The following GPT variants were observed in gnomAD, a reference collection of about 807,000 sequenced individuals.
GPT encodes glutamic--pyruvic transaminase.
GPT carries 60 observed loss-of-function variants against 51.4 expected under a neutral mutation model. That is an observed-to-expected ratio of 1.17 (90% CI 0.95 to 1.45). The LOEUF (loss-of-function observed/expected upper bound fraction) is 1.45. Among genes scored for constraint, GPT ranks in the 40% most tolerant of loss-of-function variants. The pLI is 0.00. For synonymous variants in GPT, 397 were observed against 303.1 expected (o/e 1.31, Z -3.22); for missense variants, 853 against 704.0 (o/e 1.21, Z -2.40).
chr8:144,505,242 G>T lies in GPT; in HGVS notation c.496-4G>T, dbSNP rs1419853335. ...CAACCCTGCCTTCCCCTTCCTTTCC[G>T]CAGACGGTGCTGAAGCTGCTGGTGG... On this transcript the variant is annotated splice_polypyrimidine_tract_variant and splice_region_variant and intron_variant, in intron 4 of 10. Transcript: ENST00000394955. 1 of 1,607,490 alleles carries T rather than the reference G, an allele frequency of 6.2e-7. No individual in the cohort carries two copies. The highest frequency in any genetic ancestry group is 8.5e-7 in the Non-Finnish European group (1 of 1,177,620).
In GPT at chr8:144,505,244, A is replaced by G; in HGVS notation, c.496-2A>G. 6.2e-7 allele frequency: 1 copy of G among 1,607,674 alleles called. No homozygotes were observed. The highest frequency in any genetic ancestry group is 8.5e-7 in the Non-Finnish European group (1 of 1,177,740). On this transcript the variant is annotated splice_acceptor_variant, in intron 4 of 10. Coordinates refer to ENST00000394955, the MANE Select transcript of GPT (RefSeq NM_005309.3). LOFTEE classifies it high-confidence loss of function. ...ACCCTGCCTTCCCCTTCCTTTCCGC[A>G]GACGGTGCTGAAGCTGCTGGTGGCC...
rs2130622640 is a variant in GPT at position 144,506,191 on chromosome 8, T to C, written c.957-41T>C. 6.2e-7 allele frequency: 1 copy of C among 1,601,652 alleles called. No individual in the cohort carries two copies. The highest frequency in any genetic ancestry group is 8.5e-7 in the Non-Finnish European group (1 of 1,175,314). On this transcript the variant is annotated intron_variant, in intron 7 of 10. Coordinates refer to ENST00000394955, the MANE Select transcript of GPT (RefSeq NM_005309.3). The surrounding 1 kb of genome is among the most constrained non-coding windows in gnomAD (Gnocchi z 7.0). ...CCATGGCCAGGCCCTCCTCGCCCGA[T>C]GGGCCACCCCCTCCTCCGCACCTGA...
intron 2 of GPT, 22 bp downstream of exon 2, chr8:144,504,715 G>T (rs750747453): frequency 6.2e-7 from 1 of 1,612,704 alleles, no homozygotes; most frequent in African/African-American, 1.3e-5. Flanking sequence ...GCACTGCCCG[G>T]AGCACCCCCC....
At chr8:144,504,970 C>T (rs1173541484) in intron 3 of GPT, 28 bp from the exon 4 acceptor site, 1 of 1,612,856 alleles carries the variant, frequency 6.2e-7, no homozygotes, top group East Asian at 2.2e-5. Context: ...TTCACCTGTA[C>T]TTCCCATCCT....
At position 144,505,005 on chromosome 8, in the gene GPT, C is replaced by T. The variant is rs922141711; in HGVS notation, c.369C>T (p.Tyr123=). ...TGTCCTGCCCGAGTCCAGGGGCCTA[C>T]AGCGTCAGCTCCGGCATCCAGCTGA... ...QACGGHSLGA[Y]SVSSGIQLIR... is the part of the protein sequence containing the mutation. The change falls in exon 4 of 11, where the codon TAC becomes TAT. Residue 123 remains tyrosine (Y), a synonymous_variant. Coordinates refer to ENST00000394955, the MANE Select transcript of GPT (RefSeq NM_005309.3). 14 of 1,612,956 alleles carry T rather than the reference C, an allele frequency of 8.7e-6. No homozygotes were observed. Among genetic ancestry groups the T allele is most frequent in the East Asian group, 2.2e-5 (1 of 44,904 alleles).
rs767478951 is a variant in GPT at position 144,506,596 on chromosome 8, G to A, written c.1227G>A (p.Gln409=). The part of the protein sequence containing the change: ...EAPGISCNPV[Q]GAMYSFPRVQ... The stretch of plus-strand genomic sequence containing the variant: ...CTGGCATCAGCTGCAACCCAGTGCA[G>A]GGCGCCATGTACTCCTTCCCGCGCG... Residue 409 remains glutamine, a synonymous_variant, in exon 9 of 11, where the codon CAG becomes CAA. Coordinates refer to ENST00000394955, the MANE Select transcript of GPT (RefSeq NM_005309.3). The surrounding 1 kb of genome is among the most constrained non-coding windows in gnomAD (Gnocchi z 7.0). 3.2e-6 allele frequency: 5 copies of A among 1,568,892 alleles called. No homozygotes were observed. Among genetic ancestry groups the A allele is most frequent in the South Asian group, 1.2e-5 (1 of 85,782 alleles).
chr8:144,503,391 G>A (rs1332676211), upstream of GPT, among the ~76,000 whole-genome samples: 5 of 152,142 alleles, frequency 3.3e-5, no homozygotes, highest in South Asian at 2.1e-4. Flanking sequence ...TCCTCCAATC[G>A]GGAACAAGAG....
Position 144,506,449 on chromosome 8 carries a change from G to T in GPT, c.1131+43G>T. 6.4e-7 allele frequency: 1 copy of T among 1,570,516 alleles called. No homozygotes were observed. ...GGGGGTCCAGGTGACCTAATCAGGG[G>T]TGGGGGATGCCGAGTGCCGTGCCCT... On this transcript the variant is annotated intron_variant, in intron 8 of 10. Transcript: ENST00000394955. This position sits in a 1 kb window ranked among gnomAD's most constrained non-coding sequence, Gnocchi z 7.0.
At position 144,505,369 on chromosome 8, in the gene GPT, T is replaced by C. The variant is rs1375112352; in HGVS notation, c.619T>C (p.Tyr207His). The C allele has an allele frequency of 1.0e-5, 16 of 1,585,464 alleles. No homozygotes were observed. Among genetic ancestry groups the C allele is most frequent in the Non-Finnish European group, 1.2e-5 (14 of 1,166,920 alleles). The change falls in exon 5 of 11, where the codon TAC becomes CAC. Residue 207 changes from tyrosine to histidine, a missense_variant. Coordinates refer to ENST00000394955, the MANE Select transcript of GPT (RefSeq NM_005309.3). The stretch of plus-strand genomic sequence containing the variant: ...GCTGGGCGCAGTGCAGGTGGATTAC[T>C]ACCTGGACGAGGAGCGTGCCTGGGC... ...AELGAVQVDY[Y>H]LDEERAWALD...
At chr8:144,504,105 T>G, upstream of GPT, 1 of 637,780 alleles carries the variant, frequency 1.6e-6, no homozygotes, top group East Asian at 2.8e-5. Context: ...GGGGCCCAAC[T>G]GTCCCCAGCT....
Position 144,505,058 on chromosome 8 carries a change from A to G in GPT, c.422A>G (p.Glu141Gly), listed in dbSNP as rs1826719265. 1 of 1,613,046 alleles carries G rather than the reference A, an allele frequency of 6.2e-7. No homozygotes were observed. The highest frequency in any genetic ancestry group is 8.5e-7 in the Non-Finnish European group (1 of 1,180,004). ...LIREDVARYI[E>G]RRDGGIPADP... ...CGGGAGGACGTGGCGCGGTACATTGAGAGGCGTGACGGAGGCATCCCTGCG... is the reference window on the plus strand; with the variant it reads ...CGGGAGGACGTGGCGCGGTACATTGGGAGGCGTGACGGAGGCATCCCTGCG... The change falls in exon 4 of 11, where the codon GAG (glutamate) becomes GGG (glycine). Residue 141 changes from glutamate (E) to glycine (G), a missense_variant. Coordinates refer to ENST00000394955, the MANE Select transcript of GPT (RefSeq NM_005309.3).
At position 144,506,840 on chromosome 8, in the gene GPT, T is replaced by G. The variant is rs757878396; in HGVS notation, c.1397T>G (p.Phe466Cys). The change falls in exon 10 of 11, where the codon TTC (phenylalanine) becomes TGC (cysteine). Residue 466 changes from phenylalanine to cysteine, a missense_variant. Physicochemically the swap from Phe to Cys is radical, Grantham distance 205 (BLOSUM62 -2). Transcript: ENST00000394955. This position sits in a 1 kb window ranked among gnomAD's most constrained non-coding sequence, Gnocchi z 7.0. Reference protein sequence around the residue: ...GFGQREGTYHFRMTILPPLEK... With the variant: ...GFGQREGTYHCRMTILPPLEK... ...GGGCAGCGGGAAGGCACCTACCACT[T>G]CCGGTGAGGCCTGGCCCTCACTCCC... 6.2e-7 allele frequency: 1 copy of G among 1,612,572 alleles called. No homozygotes were observed. Among genetic ancestry groups the G allele is most frequent in the South Asian group, 1.1e-5 (1 of 91,080 alleles).
intron 2 of GPT, 28 bp downstream of exon 2, chr8:144,504,721 C>A (rs754484141): frequency 1.9e-6 from 3 of 1,611,642 alleles, no homozygotes; most frequent in Non-Finnish European, 2.5e-6. Flanking sequence ...CCCGGAGCAC[C>A]CCCCCACCCC....
rs766694721 is a variant in GPT at position 144,506,134 on chromosome 8, G to C, written c.956+3G>C. On this transcript the variant is annotated splice_donor_region_variant and intron_variant, in intron 7 of 10. Coordinates refer to ENST00000394955, the MANE Select transcript of GPT (RefSeq NM_005309.3). The surrounding 1 kb of genome is among the most constrained non-coding windows in gnomAD (Gnocchi z 7.0). ...ACCTCCAAGGGCTACATGGGCGAGT[G>C]CGTGCGTACGAGGCGGGTGGGGGCT... 1 of 1,611,280 alleles carries C rather than the reference G, an allele frequency of 6.2e-7. No individual in the cohort carries two copies. Among genetic ancestry groups the C allele is most frequent in the East Asian group, 2.2e-5 (1 of 44,806 alleles).
upstream of GPT, among the ~76,000 whole-genome samples, chr8:144,503,509 G>A (rs1018114130): frequency 5.9e-5 from 9 of 152,084 alleles, no homozygotes; most frequent in Admixed American, 3.9e-4. Flanking sequence ...GCTGTCCCAG[G>A]GCTCAGGGCT....
chr8:144,506,764 C>T lies in GPT; in HGVS notation c.1321C>T (p.Leu441=). The T allele has an allele frequency of 2.5e-6, 4 of 1,612,392 alleles. No individual in the cohort carries two copies. The highest frequency in any genetic ancestry group is 3.4e-6 in the Non-Finnish European group (4 of 1,179,966). Residue 441 remains leucine (L), a synonymous_variant, in exon 10 of 11, where the codon CTG becomes TTG. Coordinates refer to ENST00000394955, the MANE Select transcript of GPT (RefSeq NM_005309.3). This position sits in a 1 kb window ranked among gnomAD's most constrained non-coding sequence, Gnocchi z 7.0. ...CCTGGCCCCCGATATGTTCTTCTGC[C>T]TGCGCCTCCTGGAGGAGACCGGCAT... The part of the protein sequence containing the change: ...LGLAPDMFFC[L]RLLEETGICV...
chr8:144,504,770 G>C lies in GPT; in HGVS notation c.253-1G>C. ...CTGGCCTCAGCACTCCGTCTTCCCA[G>C]GTCTTGGCCCTCTGTGTTAACCCTG... On this transcript the variant is annotated splice_acceptor_variant, in intron 2 of 10. Transcript: ENST00000394955. LOFTEE classifies it high-confidence loss of function. 5.0e-6 allele frequency: 8 copies of C among 1,612,792 alleles called. No individual in the cohort carries two copies. The highest frequency in any genetic ancestry group is 6.8e-6 in the Non-Finnish European group (8 of 1,179,418).
In GPT at chr8:144,505,420, G is replaced by A; in HGVS notation, c.670G>A (p.Ala224Thr). The A allele has an allele frequency of 6.3e-7, 1 of 1,599,486 alleles. No homozygotes were observed. Among genetic ancestry groups the A allele is most frequent in the South Asian group, 1.1e-5 (1 of 88,446 alleles). Residue 224 changes from alanine (A) to threonine (T), a missense_variant, in exon 5 of 11, where the codon GCA becomes ACA. Ala to Thr is a moderately conservative substitution (Grantham distance 58). Coordinates refer to ENST00000394955, the MANE Select transcript of GPT (RefSeq NM_005309.3). ...WALDVAELHR[A>T]LGQARDHCRP... The stretch of plus-strand genomic sequence containing the variant: ...GCTGGACGTGGCCGAGCTTCACCGT[G>A]CACTGGGCCAGGCGCGTGACCACTG...
chr8:144,506,372 C>T lies in GPT; in HGVS notation c.1097C>T (p.Ala366Val), dbSNP rs1437502089. Residue 366 changes from alanine to valine, a missense_variant, in exon 8 of 11, where the codon GCG becomes GTG. Transcript: ENST00000394955. The surrounding 1 kb of genome is among the most constrained non-coding windows in gnomAD (Gnocchi z 7.0). ...CTGGACCTGGTGGTCAGCCCGCCCG[C>T]GCCCACCGACCCCTCCTTTGCGCAG... ...ALLDLVVSPP[A>V]PTDPSFAQFQ... 1.1e-5 allele frequency: 17 copies of T among 1,560,846 alleles called. No individual in the cohort carries two copies. The highest frequency in any genetic ancestry group is 1.4e-5 in the Non-Finnish European group (16 of 1,156,734).
Sources: allele counts gnomAD v4.1 joint callset (sites outside exome capture counted in the v4.1 genomes callset), GRCh38; gene constraint gnomAD v4.1.1; non-coding constraint Gnocchi (gnomAD v3.1); transcripts MANE v1.5; gene names NCBI Gene and HGNC (gene_info 2026-07-23, HGNC 2026-07-21).